The following THSD7A variants were observed in gnomAD, a reference collection of about 807,000 sequenced individuals.
THSD7A encodes the protein thrombospondin type-1 domain-containing protein 7A.
Under a neutral mutation model 231.3 loss-of-function variants are expected in THSD7A, and 96 were observed. That is an observed-to-expected ratio of 0.41 (90% CI 0.35 to 0.49). The LOEUF is 0.49. Among genes scored for constraint, THSD7A ranks in the 20% least tolerant of loss-of-function variants. The probability of loss-of-function intolerance (pLI) is 0.05; values close to 1 mark genes in which losing one functional copy is unlikely to be tolerated. For synonymous variants in THSD7A, 940 were observed against 743.3 expected (o/e 1.26, Z -4.30); for missense variants, 2,290 against 2,070.2 (o/e 1.11, Z -2.06).
chr7:11,671,497 G>T (rs1783391243), intron 1 of THSD7A, among the ~76,000 whole-genome samples: 1 of 152,036 alleles, frequency 6.6e-6, no homozygotes. Context: ...CTGGCCTTGT[G>T]TTCATTTATT....
At position 11,521,471 on chromosome 7, in the gene THSD7A, TTTTATTTTA is replaced by T. The variant is rs1471017699; in HGVS notation, c.1822+19939_1822+19947del. On this transcript the variant is annotated intron_variant, in intron 6 of 27. Transcript: ENST00000423059. ...GACAGGGCCACATTCTTTTTTATTT[TTTTATTTTA>T]TTTATTTATTTATTTATTTTTTTAT... is the stretch of plus-strand genomic sequence containing the variant. 1.4e-5 allele frequency among the ~76,000 whole-genome samples: 2 copies of T among 143,092 alleles called. 1 individual carries two copies. Among genetic ancestry groups the T allele is most frequent in the Non-Finnish European group, 3.0e-5 (2 of 66,282 alleles). The allele number at this position is 143,092 out of a possible 152,430, so 93.9% of individuals were successfully genotyped here. A position where few individuals can be genotyped will look rare whatever the true frequency, so the allele number is the denominator to read the frequency against.
At chr7:11,570,095 C>A (rs13246013) in intron 4 of THSD7A, among the ~76,000 whole-genome samples, 31,649 of 151,888 alleles carry the variant, frequency 0.21, 3,376 homozygotes, top group East Asian at 0.24. Flanking sequence ...TTGCTTCACC[C>A]AGGAGGTTGA....
intron 1 of THSD7A, among the ~76,000 whole-genome samples, chr7:11,785,936 T>C (rs1273708614): frequency 6.6e-6 from 1 of 152,152 alleles, no homozygotes; most frequent in Non-Finnish European, 1.5e-5. Flanking sequence ...GATATTTCTT[T>C]GCTCCCCCTA....
rs201840432 is a variant in THSD7A, at chr7:11,726,961, G to A, written c.191-90000C>T. On this transcript the variant is annotated intron_variant, in intron 1 of 27. Transcript: ENST00000423059. ...AGGTTTGGCACACAGCTCTAGGCAA[G>A]GCTGCTGGAGCTCTGACAAGAGCGA... is the stretch of plus-strand genomic sequence containing the variant. Among the ~76,000 whole-genome samples, 4 of 152,070 alleles carry A rather than the reference G, an allele frequency of 2.6e-5. No individual in the cohort carries two copies. The East Asian group carries it at 5.9e-4, about 22-fold the overall frequency.
At chr7:11,552,028 A>T (rs1789649623) in intron 4 of THSD7A, among the ~76,000 whole-genome samples, 1 of 152,094 alleles carries the variant, frequency 6.6e-6, no homozygotes, top group African/African-American at 2.4e-5. Context: ...ACATGGATGG[A>T]CCTGGAGGCC....
chr7:11,588,166 G>A (rs1468076353), intron 4 of THSD7A, among the ~76,000 whole-genome samples: 2 of 151,988 alleles, frequency 1.3e-5, no homozygotes, highest in Non-Finnish European at 2.9e-5. Flanking sequence ...ACTGAACATC[G>A]AGTGTGAATA....
In THSD7A at chr7:11,474,530, C is replaced by A. The variant is rs1786076658; in HGVS notation, c.2056G>T (p.Val686Leu). ...CAAGGATGCTCATTACAGCTTCGTA[C>A]TTCTTGCAAAGCACTGCTATTTGGA... ...RCPNSSALQE[V>L]RSCNEHPCTV... Residue 686 changes from valine to leucine, a missense_variant, in exon 8 of 28, where the codon GTA becomes TTA. Transcript: ENST00000423059. The surrounding 1 kb of genome is among the most constrained non-coding windows in gnomAD (Gnocchi z 4.1). 1 of 1,608,934 alleles carries A rather than the reference C, an allele frequency of 6.2e-7. No individual in the cohort carries two copies. Among genetic ancestry groups the A allele is most frequent in the Non-Finnish European group, 8.5e-7 (1 of 1,176,460 alleles).
At chr7:11,614,545 T>G (rs1230487822) in intron 2 of THSD7A, among the ~76,000 whole-genome samples, 3 of 152,166 alleles carry the variant, frequency 2.0e-5, no homozygotes, top group Admixed American at 1.3e-4. Context: ...AGCATTAAAG[T>G]TTGGGGTCAC....
chr7:11,422,022 G>T (rs1455071771), intron 16 of THSD7A, among the ~76,000 whole-genome samples: 1 of 152,116 alleles, frequency 6.6e-6, no homozygotes, highest in Non-Finnish European at 1.5e-5. Context: ...TAAGGAGCAA[G>T]AATTATACTT....
At position 11,428,968 on chromosome 7, in the gene THSD7A, G is replaced by A; in HGVS notation, c.3222C>T (p.Pro1074=). ...ATACCTGGTTGACATGGTCCAGTTTGGGGCAAGGCCTTCCTCCATTATATG... is the reference window on the plus strand; with the variant it reads ...ATACCTGGTTGACATGGTCCAGTTTAGGGCAAGGCCTTCCTCCATTATATG... The part of the protein sequence containing the change: ...EKPYNGGRPC[P]KLDHVNQAQV... The change falls in exon 14 of 28, where the codon CCC becomes CCT. Residue 1074 remains proline, a synonymous_variant. Transcript: ENST00000423059. The A allele has an allele frequency of 6.2e-7, 1 of 1,610,228 alleles. No homozygotes were observed. The highest frequency in any genetic ancestry group is 8.5e-7 in the Non-Finnish European group (1 of 1,178,338).
chr7:11,589,038 C>CT (rs1562748675), intron 4 of THSD7A, among the ~76,000 whole-genome samples: 1 of 152,108 alleles, frequency 6.6e-6, no homozygotes, highest in East Asian at 1.9e-4. Context: ...GGTGTCAGTC[C>CT]TTTTTGGGAG....
At chr7:11,722,549 C>G (rs1230926348) in intron 1 of THSD7A, among the ~76,000 whole-genome samples, 1 of 151,794 alleles carries the variant, frequency 6.6e-6, no homozygotes, top group East Asian at 2.0e-4. Context: ...ACATGAAGAC[C>G]ATTTTCCAAA....
chr7:11,373,881 T>A lies in THSD7A; in HGVS notation c.*1913A>T, dbSNP rs1782159969. 1 of 152,104 alleles carries A rather than the reference T, an allele frequency of 6.6e-6. No individual in the cohort carries two copies. The highest frequency in any genetic ancestry group is 1.5e-5 in the Non-Finnish European group (1 of 67,982). The allele number at this position is 152,104 out of a possible 1,614,324, so 9.4% of individuals were successfully genotyped here. On this transcript the variant is annotated 3_prime_UTR_variant, in exon 28 of 28. Transcript: ENST00000423059. The stretch of plus-strand genomic sequence containing the variant: ...AGCTAGTGTCCTCTCTCACAAAGGT[T>A]GTTGCAATAATGTTGCCTGAAAATG...
intron 2 of THSD7A, among the ~76,000 whole-genome samples, chr7:11,602,900 G>T (rs1302327005): frequency 6.6e-6 from 1 of 150,856 alleles, no homozygotes; most frequent in African/African-American, 2.4e-5. Context: ...AGACTTAAAC[G>T]TTAGACCTAA....
intron 2 of THSD7A, among the ~76,000 whole-genome samples, chr7:11,598,896 T>G (rs1780458067): frequency 6.6e-6 from 1 of 152,140 alleles, no homozygotes; most frequent in African/African-American, 2.4e-5. Flanking sequence ...TCCATTAAAC[T>G]GGAAGTTAAG....
intron 1 of THSD7A, among the ~76,000 whole-genome samples, chr7:11,671,191 T>C (rs1051757592): frequency 6.6e-6 from 1 of 152,202 alleles, no homozygotes; most frequent in Non-Finnish European, 1.5e-5. Context: ...CTGATGCTCC[T>C]AGCACTAGTG....
intron 1 of THSD7A, among the ~76,000 whole-genome samples, chr7:11,708,117 C>T (rs1334976163): frequency 2.0e-5 from 3 of 150,666 alleles, no homozygotes; most frequent in Non-Finnish European, 3.0e-5. Flanking sequence ...TCAAAATACC[C>T]AGCTTAAAGC....
At chr7:11,595,483 G>C (rs1370582217) in intron 2 of THSD7A, among the ~76,000 whole-genome samples, 1 of 152,076 alleles carries the variant, frequency 6.6e-6, no homozygotes, top group Non-Finnish European at 1.5e-5. Flanking sequence ...TTATTTGCTT[G>C]GTTAGCTAAA....
intron 1 of THSD7A, among the ~76,000 whole-genome samples, chr7:11,708,602 T>G (rs1457355189): frequency 2.0e-5 from 3 of 150,714 alleles, no homozygotes; most frequent in Non-Finnish European, 4.5e-5. Flanking sequence ...AATTTTTGAG[T>G]AGATTATCTT....
Sources: gnomAD v4.1 joint callset for allele counts (sites outside exome capture counted in the v4.1 genomes callset) on GRCh38, gnomAD v4.1.1 for gene constraint, Gnocchi (gnomAD v3.1) non-coding constraint, MANE v1.5 for transcripts, NCBI Gene and HGNC (gene_info 2026-07-23, HGNC 2026-07-21) for gene names.